TRPM6: variants seen among roughly 807,000 people sequenced by gnomAD.
TRPM6 encodes channel kinase 2.
A neutral mutation model predicts 247.6 loss-of-function variants in TRPM6; 111 were observed. That is an observed-to-expected ratio of 0.45 (90% confidence interval 0.38 to 0.52). The LOEUF (loss-of-function observed/expected upper bound fraction) is 0.52. Ranked by LOEUF, TRPM6 falls within the 20% of genes least tolerant of loss-of-function variation. TRPM6 has a pLI of 0.00. For synonymous variants in TRPM6, 892 were observed against 853.8 expected, an observed-to-expected ratio of 1.04 and a Z score of -0.78; for missense variants, 2,126 against 2,421.5, an observed-to-expected ratio of 0.88 and a Z score of 2.56.
In TRPM6 at chr9:74,813,737, G is replaced by A. The variant is rs74771289; in HGVS notation, c.1309-1304C>T. On this transcript the variant is annotated intron_variant, in intron 11 of 38. Transcript: ENST00000360774. ...AAAAAACATCAACTAGCAGGAAGCA[G>A]ACAATCCAAGAAGAAGAAAACTTCA... 1.8e-3 allele frequency among the ~76,000 whole-genome samples: 280 copies of A among 152,322 alleles called. 3 individuals are homozygous for A. In the Middle Eastern group the frequency reaches 0.031, roughly 17 times the overall value.
chr9:74,737,850 T>C (rs980782803), intron 36 of TRPM6, among the ~76,000 whole-genome samples: 5 of 152,208 alleles, frequency 3.3e-5, no homozygotes, highest in African/African-American at 7.2e-5. Context: ...TACTCTGTTT[T>C]GTGCCGCAGG....
intron 14 of TRPM6, among the ~76,000 whole-genome samples, chr9:74,806,279 GTATTTATTTATT>G (rs60032253): frequency 7.3e-5 from 11 of 150,664 alleles, no homozygotes; most frequent in Non-Finnish European, 1.0e-4. Flanking sequence ...AAAATTTATT[GTATTTATTTATT>G]TATTTATTTA....
At chr9:74,808,433 T>G (rs1217324588) in intron 13 of TRPM6, among the ~76,000 whole-genome samples, 5 of 152,220 alleles carry the variant, frequency 3.3e-5, no homozygotes. Context: ...TCTCTCTTAC[T>G]CTTGCTCTCA....
chr9:74,739,357 A>C lies in TRPM6; in HGVS notation c.5570+10T>G, dbSNP rs1451759024. 4 of 1,613,348 alleles carry C rather than the reference A, an allele frequency of 2.5e-6. No individual in the cohort carries two copies. The African/African-American group carries it at 5.3e-5, about 22-fold the overall frequency. On this transcript the variant is annotated intron_variant, in intron 35 of 38. Transcript: ENST00000360774. ...TGAAACAAAGGGCCAAGGTGCCAAG[A>C]TTTTCTTACCTTGGTGTGTAGGGTA...
Position 74,821,819 on chromosome 9 carries a change from G to A in TRPM6, c.860C>T (p.Pro287Leu). 6.8e-6 allele frequency: 11 copies of A among 1,614,048 alleles called. No individual in the cohort carries two copies. The highest frequency in any genetic ancestry group is 9.3e-6 in the Non-Finnish European group (11 of 1,180,008). ...KIHCRSRQGVPVVGLVVEGGP... is the reference protein window; with the variant it reads ...KIHCRSRQGVLVVGLVVEGGP... ...GCCTTCCACCACCAGCCCCACGACC[G>A]GCACGCCTTGTCTTGAGCCTATTCC... The change falls in exon 8 of 39, where the codon CCG becomes CTG. Residue 287 changes from proline (P) to leucine (L), a missense_variant. Physicochemically the swap from Pro to Leu is moderately conservative, Grantham distance 98 (BLOSUM62 -3). Transcript: ENST00000360774.
intron 5 of TRPM6, 55 bp downstream of exon 5, chr9:74,839,969 G>T: frequency 7.5e-7 from 1 of 1,338,632 alleles, no homozygotes; most frequent in Non-Finnish European, 1.1e-6. Context: ...GAGAGAGGGA[G>T]GGAGAGAGGG....
intron 15 of TRPM6, among the ~76,000 whole-genome samples, chr9:74,802,771 A>G (rs1404217931): frequency 6.6e-6 from 1 of 152,186 alleles, no homozygotes; most frequent in Non-Finnish European, 1.5e-5. Flanking sequence ...GATTATATTT[A>G]TCAGCAAAGG....
chr9:74,884,200 C>T (rs1262605404), intron 1 of TRPM6, among the ~76,000 whole-genome samples: 3 of 151,866 alleles, frequency 2.0e-5, no homozygotes, highest in Non-Finnish European at 4.4e-5. Flanking sequence ...ATAATAAATA[C>T]ATATGTATGG....
At position 74,834,081 on chromosome 9, in the gene TRPM6, A is replaced by G; in HGVS notation, c.586T>C (p.Ser196Pro). Reference protein sequence around the residue: ...HVGDALKSHSSHSLRKIWTVG... With the variant: ...HVGDALKSHSPHSLRKIWTVG... ...GTCCAGATTTTTCTCAAGGAATGAG[A>G]GGAATGGGATTTCAAGGCATCCCCA... is the stretch of plus-strand genomic sequence containing the variant. The change falls in exon 6 of 39, where the codon TCT (serine) becomes CCT (proline). Residue 196 changes from serine (S) to proline (P), a missense_variant. Around this residue, in one of 3 missense-constraint regions of TRPM6, gnomAD observed 1,082 missense variants for 1,307.9 expected, o/e 0.83. Transcript: ENST00000360774. 1 of 1,614,144 alleles carries G rather than the reference A, an allele frequency of 6.2e-7. No individual in the cohort carries two copies. Among genetic ancestry groups the G allele is most frequent in the Non-Finnish European group, 8.5e-7 (1 of 1,179,986 alleles).
intron 14 of TRPM6, chr9:74,804,636 G>A (rs535196693): frequency 2.7e-6 from 2 of 747,594 alleles, no homozygotes; most frequent in East Asian, 4.9e-5. Flanking sequence ...CTGGTCTGAA[G>A]GCATGAAGGT....
In TRPM6 at chr9:74,796,796, A is replaced by T. The variant is rs149123085; in HGVS notation, c.2336T>A (p.Phe779Tyr). Residue 779 changes from phenylalanine (F) to tyrosine (Y), a missense_variant, in exon 18 of 39, where the codon TTT (phenylalanine) becomes TAT (tyrosine). Around this residue, in one of 3 missense-constraint regions of TRPM6, gnomAD observed 1,082 missense variants for 1,307.9 expected, o/e 0.83. Coordinates refer to ENST00000360774, the MANE Select transcript of TRPM6 (RefSeq NM_017662.5). ...SHVPQSQDFQ[F>Y]MWYYSDQNAS... is the part of the protein sequence containing the mutation. ...GTTCTGGTCACTGTAATACCACATA[A>T]ATTGGAAGTCCTGGGACTGGGGAAC... 752 of 1,614,082 alleles carry T rather than the reference A, an allele frequency of 4.7e-4. 2 individuals are homozygous for T. In the African/African-American group the frequency reaches 9.0e-3, roughly 19 times the overall value.
intron 2 of TRPM6, among the ~76,000 whole-genome samples, chr9:74,856,467 C>CTCTG (rs1554729651): frequency 0.027 from 3,972 of 147,810 alleles, 199 homozygotes; most frequent in African/African-American, 0.095. Context: ...GTGTGTGTGT[C>CTCTG]TGTGTGTGTG....
chr9:74,761,906 G>T (rs1826650840), intron 26 of TRPM6, 93 bp downstream of exon 26: 7 of 1,501,578 alleles, frequency 4.7e-6, no homozygotes, highest in Non-Finnish European at 6.5e-6. Context: ...ATGACAATGT[G>T]GTTAAGAGTC....
At chr9:74,767,890 C>T (rs1262798681) in intron 25 of TRPM6, among the ~76,000 whole-genome samples, 1 of 152,058 alleles carries the variant, frequency 6.6e-6, no homozygotes, top group Middle Eastern at 3.2e-3. Context: ...GCAAGAGGAT[C>T]GCTTGAGCCC....
At chr9:74,771,884 G>A (rs762591699) in intron 24 of TRPM6, 49 bp from the exon 25 acceptor site, 149 of 1,572,054 alleles carry the variant, frequency 9.5e-5, no homozygotes, top group Non-Finnish European at 1.2e-4. Flanking sequence ...TCACCTCAGG[G>A]CATGAGTGGC....
Position 74,738,533 on chromosome 9 carries a change from G to A in TRPM6, c.5650C>T (p.Arg1884Trp), listed in dbSNP as rs1402550541. Reference protein sequence around the residue: ...TIEKYMTGEFRKYNNNNGDEI... With the variant: ...TIEKYMTGEFWKYNNNNGDEI... ...TCACCATTGTTGTTGTTATACTTCCGGAACTCCCCTGTCATATACTTCTCA... is the reference window on the plus strand; with the variant it reads ...TCACCATTGTTGTTGTTATACTTCCAGAACTCCCCTGTCATATACTTCTCA... Residue 1884 changes from arginine (R) to tryptophan (W), a missense_variant, in exon 36 of 39, where the codon CGG (arginine) becomes TGG (tryptophan). Around this residue, in one of 3 missense-constraint regions of TRPM6, gnomAD observed 327 missense variants for 397.7 expected, o/e 0.82. Transcript: ENST00000360774. 5 of 1,614,014 alleles carry A rather than the reference G, an allele frequency of 3.1e-6. No individual in the cohort carries two copies. Among genetic ancestry groups the A allele is most frequent in the Admixed American group, 1.7e-5 (1 of 60,012 alleles).
intron 12 of TRPM6, 44 bp from the exon 13 acceptor site, chr9:74,810,912 A>G: frequency 2.0e-6 from 3 of 1,530,082 alleles, no homozygotes; most frequent in East Asian, 2.3e-5. Context: ...TTTAATTACC[A>G]TGTGCTGGGG....
intron 1 of TRPM6, among the ~76,000 whole-genome samples, chr9:74,866,035 T>G (rs1399323061): frequency 1.3e-5 from 2 of 152,206 alleles, no homozygotes; most frequent in Non-Finnish European, 2.9e-5. Flanking sequence ...GCATGGTGGC[T>G]CACGCCTAGA....
At chr9:74,803,938 ATTTTT>A in intron 14 of TRPM6, 52 bp from the exon 15 acceptor site, 4 of 1,154,038 alleles carry the variant, frequency 3.5e-6, no homozygotes, top group Non-Finnish European at 5.3e-6. Flanking sequence ...TTATTATTTT[ATTTTT>A]AAAATAAAAC....
Sources: gnomAD v4.1 joint callset for allele counts (sites outside exome capture counted in the v4.1 genomes callset) on GRCh38, gnomAD v4.1.1 for gene constraint, gnomAD v4.1.1 regional missense constraint, MANE v1.5 for transcripts, NCBI Gene and HGNC (gene_info 2026-07-23, HGNC 2026-07-21) for gene names.